Variants in PLCB4 observed in about 807,000 individuals in gnomAD.
The protein encoded by PLCB4 is 1-phosphatidylinositol 4,5-bisphosphate phosphodiesterase beta-4.
Under a neutral mutation model 178.8 loss-of-function variants are expected in PLCB4, and 77 were observed. The ratio of observed to expected loss-of-function variants is 0.43; its 90% CI spans 0.36 to 0.52. PLCB4 has a LOEUF of 0.52. Among genes scored for constraint, PLCB4 ranks in the 20% least tolerant of loss-of-function variants. The pLI, the probability that PLCB4 is intolerant of heterozygous loss-of-function variation, is 0.00. For synonymous variants in PLCB4, 496 were observed against 490.8 expected (o/e 1.01, Z -0.14); for missense variants, 1,024 against 1,453.4 (o/e 0.70, Z 4.80).
chr20:9,376,762 T>A (rs899973097), intron 12 of PLCB4, among the ~76,000 whole-genome samples: 4 of 152,070 alleles, frequency 2.6e-5, no homozygotes. Flanking sequence ...CCTGCAGAAT[T>A]GGGAGATGGG....
At chr20:9,259,705 C>T (rs2094277220) in intron 3 of PLCB4, among the ~76,000 whole-genome samples, 1 of 152,046 alleles carries the variant, frequency 6.6e-6, no homozygotes, top group Admixed American at 6.5e-5. Flanking sequence ...AACCCAGCAT[C>T]CCAACCATGT....
chr20:9,411,394 G>A (rs1280636706), intron 25 of PLCB4, among the ~76,000 whole-genome samples: 5 of 152,130 alleles, frequency 3.3e-5, no homozygotes, highest in African/African-American at 1.2e-4. Context: ...AATAATCCCT[G>A]CACACTTGGA....
intron 3 of PLCB4, among the ~76,000 whole-genome samples, chr20:9,275,889 C>A (rs1601563900): frequency 6.6e-6 from 1 of 152,042 alleles, no homozygotes; most frequent in African/African-American, 2.4e-5. Flanking sequence ...AACTTATTGA[C>A]CATACTTGTC....
intron 2 of PLCB4, among the ~76,000 whole-genome samples, chr20:9,116,894 A>T (rs904810878): frequency 6.6e-6 from 1 of 152,134 alleles, no homozygotes; most frequent in Non-Finnish European, 1.5e-5. Flanking sequence ...TTTCTATAAC[A>T]TCCTGCATGT....
intron 4 of PLCB4, among the ~76,000 whole-genome samples, chr20:9,328,887 G>A (rs1051674715): frequency 2.0e-5 from 3 of 152,166 alleles, no homozygotes; most frequent in African/African-American, 2.4e-5. Context: ...GCACAGAAAG[G>A]GCTCCTGGAG....
chr20:9,138,010 G>A (rs571889882), intron 2 of PLCB4, among the ~76,000 whole-genome samples: 1 of 152,180 alleles, frequency 6.6e-6, no homozygotes, highest in East Asian at 1.9e-4. Flanking sequence ...AGAATTTTAC[G>A]TGCATATAAA....
chr20:9,401,642 T>G (rs1392158794), intron 20 of PLCB4, 52 bp downstream of exon 20: 4 of 1,282,734 alleles, frequency 3.1e-6, no homozygotes, highest in East Asian at 2.3e-5. Context: ...CTGTTATTTA[T>G]GAAATTTTGG....
At chr20:9,287,142 A>G (rs1022031283) in intron 3 of PLCB4, among the ~76,000 whole-genome samples, 4 of 152,074 alleles carry the variant, frequency 2.6e-5, no homozygotes, top group Admixed American at 1.3e-4. Flanking sequence ...GCCAAATAAC[A>G]GGTGTCTGCT....
At chr20:9,368,302 A>G (rs1202295890) in intron 9 of PLCB4, among the ~76,000 whole-genome samples, 1 of 152,244 alleles carries the variant, frequency 6.6e-6, no homozygotes, top group Non-Finnish European at 1.5e-5. Flanking sequence ...TGCTGTTTAC[A>G]TAACCCATGC....
At chr20:9,318,709 G>A (rs1232782997) in intron 4 of PLCB4, among the ~76,000 whole-genome samples, 3 of 152,208 alleles carry the variant, frequency 2.0e-5, no homozygotes, top group Non-Finnish European at 4.4e-5. Context: ...CAAGGTGGGA[G>A]GTGGGTTAGC....
In PLCB4 at chr20:9,334,842, A is replaced by C. The variant is rs575503270; in HGVS notation, c.85-2284A>C. Among the ~76,000 whole-genome samples, 8 of 152,202 alleles carry C rather than the reference A, an allele frequency of 5.3e-5. No homozygotes were observed. The South Asian group carries it at 6.2e-4, about 12-fold the overall frequency. On this transcript the variant is annotated intron_variant, in intron 4 of 39. Coordinates refer to ENST00000378473, the MANE Select transcript of PLCB4 (RefSeq NM_001377142.1). ...TAGAAGGACCAGATGGAATTCCAAG[A>C]GTGAGATATTAGGAATTGAAATGTC...
rs1555813543 is a variant in PLCB4, at chr20:9,085,067, A to AG, written c.-134-11220_-134-11219insG. On this transcript the variant is annotated intron_variant, in intron 1 of 39. Transcript: ENST00000378473. ...GACTCCATCTCAAAAAAAAAAAAAAAAGAATATATTACTTTTTCTTTTTCC... is the reference window on the plus strand; with the variant it reads ...GACTCCATCTCAAAAAAAAAAAAAAAGAGAATATATTACTTTTTCTTTTTCC... Among the ~76,000 whole-genome samples the AG allele has an allele frequency of 4.9e-5, 7 of 143,404 alleles. 1 individual carries two copies. Among genetic ancestry groups the AG allele is most frequent in the East Asian group, 4.0e-4 (2 of 5,016 alleles). The allele number at this position is 143,404 out of a possible 152,430, so 94.1% of individuals were successfully genotyped here.
At chr20:9,248,562 C>T (rs776987478) in intron 3 of PLCB4, among the ~76,000 whole-genome samples, 13 of 152,124 alleles carry the variant, frequency 8.5e-5, no homozygotes, top group Non-Finnish European at 1.9e-4. Flanking sequence ...GGCCAGCAGC[C>T]TTTTGTGTCA....
intron 3 of PLCB4, among the ~76,000 whole-genome samples, chr20:9,297,729 C>G (rs142115798): frequency 1.2e-3 from 180 of 152,070 alleles, no homozygotes; most frequent in African/African-American, 4.1e-3. Context: ...GATTATCAGG[C>G]TGGAAAACCT....
At chr20:9,416,001 C>T (rs564228684) in intron 25 of PLCB4, among the ~76,000 whole-genome samples, 5 of 152,286 alleles carry the variant, frequency 3.3e-5, no homozygotes. Context: ...TCAAAGAAAG[C>T]TTGCTAAGTG....
At chr20:9,285,126 G>GTT (rs11380684) in intron 3 of PLCB4, among the ~76,000 whole-genome samples, 306 of 146,864 alleles carry the variant, frequency 2.1e-3, no homozygotes, top group African/African-American at 6.1e-3. Flanking sequence ...TGCTAGGAAT[G>GTT]TTTTTTTTTT....
At chr20:9,349,909 T>C (rs916741092) in intron 7 of PLCB4, among the ~76,000 whole-genome samples, 17 of 152,220 alleles carry the variant, frequency 1.1e-4, no homozygotes, top group Non-Finnish European at 5.9e-5. Flanking sequence ...CATGTATTTG[T>C]ATGTTTTCTC....
chr20:9,349,595 C>T (rs1485910085), intron 7 of PLCB4, among the ~76,000 whole-genome samples: 1 of 152,128 alleles, frequency 6.6e-6, no homozygotes, highest in Non-Finnish European at 1.5e-5. Flanking sequence ...AGTGCTGGAG[C>T]CTTTCTCACC....
intron 35 of PLCB4, among the ~76,000 whole-genome samples, chr20:9,460,920 AC>A (rs1233647691): frequency 6.6e-6 from 1 of 152,084 alleles, no homozygotes; most frequent in Non-Finnish European, 1.5e-5. Flanking sequence ...AATGTGCTGT[AC>A]CCCCATGCAT....
Sources: allele counts gnomAD v4.1 joint callset (sites outside exome capture counted in the v4.1 genomes callset), GRCh38; gene constraint gnomAD v4.1.1; transcripts MANE v1.5; gene names NCBI Gene and HGNC (gene_info 2026-07-23, HGNC 2026-07-21).